ABL1: variants seen among roughly 807,000 people sequenced by gnomAD.
ABL1 encodes ABL proto-oncogene 1, non-receptor tyrosine kinase.
ABL1 carries 11 observed loss-of-function variants against 94.7 expected under a neutral mutation model. That is an observed-to-expected ratio of 0.12 (90% CI 0.07 to 0.19). ABL1 has a LOEUF of 0.19. ABL1 is among the 10% of genes least tolerant of loss of function. The pLI is 1.00. For missense variants in ABL1, 1,082 were observed against 1,489.4 expected, an observed-to-expected ratio of 0.73 and a Z score of 4.50; for synonymous variants, 656 against 622.4, an observed-to-expected ratio of 1.05 and a Z score of -0.80.
At chr9:130,768,592 A>C (rs912793166) in intron 1 of ABL1, among the ~76,000 whole-genome samples, 1 of 152,186 alleles carries the variant, frequency 6.6e-6, no homozygotes, top group Non-Finnish European at 1.5e-5. Context: ...AGTGAAGAAG[A>C]ACGGTAGTAA....
intron 1 of ABL1, among the ~76,000 whole-genome samples, chr9:130,759,963 ATTTTTTTTTTTT>A (rs34154339): frequency 0.021 from 1,916 of 93,016 alleles, 55 homozygotes; most frequent in African/African-American, 0.084. Flanking sequence ...AGGTAATTTA[ATTTTTTTTTTTT>A]TTTTTTTTTT....
At chr9:130,728,581 G>A (rs1295920072) in intron 1 of ABL1, among the ~76,000 whole-genome samples, 4 of 151,286 alleles carry the variant, frequency 2.6e-5, no homozygotes, top group African/African-American at 4.9e-5. Context: ...TAGAAGAGAC[G>A]GAGTTTCACC....
intron 10 of ABL1, among the ~76,000 whole-genome samples, chr9:130,882,521 T>C (rs1253986971): frequency 6.6e-6 from 1 of 152,154 alleles, no homozygotes; most frequent in Non-Finnish European, 1.5e-5. Context: ...TAGCAGGAGC[T>C]TGGCAACACC....
chr9:130,882,397 C>T (rs917967360), intron 10 of ABL1, among the ~76,000 whole-genome samples: 15 of 152,124 alleles, frequency 9.9e-5, no homozygotes, highest in African/African-American at 3.1e-4. Flanking sequence ...TCAGATGTCC[C>T]GCGTGCTGCC....
intron 1 of ABL1, among the ~76,000 whole-genome samples, chr9:130,837,681 T>C (rs984068977): frequency 1.3e-5 from 2 of 152,208 alleles, no homozygotes; most frequent in African/African-American, 4.8e-5. Flanking sequence ...AGAAAGTAAA[T>C]GGAATTATCA....
chr9:130,719,781 A>AG (rs1445472876), intron 1 of ABL1, among the ~76,000 whole-genome samples: 1 of 152,188 alleles, frequency 6.6e-6, no homozygotes, highest in African/African-American at 2.4e-5. Context: ...AAAAACTTGA[A>AG]TTCAGAAATG....
At chr9:130,778,816 C>G (rs533288450) in intron 1 of ABL1, among the ~76,000 whole-genome samples, 1 of 151,854 alleles carries the variant, frequency 6.6e-6, no homozygotes, top group East Asian at 1.9e-4. Flanking sequence ...CCATCTTGAC[C>G]GGGAGCCCCA....
chr9:130,807,531 C>T (rs1189415923), intron 1 of ABL1, among the ~76,000 whole-genome samples: 5 of 151,864 alleles, frequency 3.3e-5, no homozygotes, highest in South Asian at 2.1e-4. Context: ...TAAGCTACCA[C>T]GCCTGGTCTT....
intron 1 of ABL1, among the ~76,000 whole-genome samples, chr9:130,802,253 C>G (rs930709391): frequency 6.6e-6 from 1 of 152,030 alleles, no homozygotes; most frequent in African/African-American, 2.4e-5. Flanking sequence ...GCCACCACGC[C>G]TGGCTAATTT....
intron 1 of ABL1, among the ~76,000 whole-genome samples, chr9:130,793,391 T>C (rs912534482): frequency 1.3e-5 from 2 of 152,216 alleles, no homozygotes; most frequent in Non-Finnish European, 2.9e-5. Context: ...CGCATACATA[T>C]TGTGATGTCT....
At chr9:130,744,175 C>G (rs1831854665) in intron 1 of ABL1, among the ~76,000 whole-genome samples, 1 of 151,668 alleles carries the variant, frequency 6.6e-6, no homozygotes, top group South Asian at 2.1e-4. Flanking sequence ...CGGACTCGCT[C>G]TCTTTCGCTA....
intron 1 of ABL1, among the ~76,000 whole-genome samples, chr9:130,736,385 T>G (rs1831743077): frequency 6.6e-6 from 1 of 152,092 alleles, no homozygotes; most frequent in Non-Finnish European, 1.5e-5. Context: ...GCTAAGAGAG[T>G]GTATTGTCAA....
intron 1 of ABL1, among the ~76,000 whole-genome samples, chr9:130,771,732 T>TTTTC (rs373455783): frequency 2.0e-4 from 24 of 119,732 alleles, no homozygotes; most frequent in African/African-American, 6.0e-4. Context: ...TCAAATGACT[T>TTTTC]TTTCTTTCTT....
rs1831514007 is a variant in ABL1 at position 130,883,997 on chromosome 9, T to C, written c.1707T>C (p.Ser569=). Residue 569 remains serine, a synonymous_variant, in exon 11 of 11, where the codon TCT becomes TCC. Coordinates refer to ENST00000318560, the MANE Select transcript of ABL1 (RefSeq NM_005157.6). ...CTCTGGACCATGAGCCTGCCGTGTCTCCATTGCTCCCTCGAAAAGAGCGAG... is the reference window on the plus strand; with the variant it reads ...CTCTGGACCATGAGCCTGCCGTGTCCCCATTGCTCCCTCGAAAAGAGCGAG... The part of the protein sequence containing the change: ...SDPLDHEPAV[S]PLLPRKERGP... 5 of 1,613,222 alleles carry C rather than the reference T, an allele frequency of 3.1e-6. No individual in the cohort carries two copies. The highest frequency in any genetic ancestry group is 3.4e-6 in the Non-Finnish European group (4 of 1,179,852).
rs1184133451 is a variant in ABL1 at position 130,812,255 on chromosome 9, G to A, written c.137-41809G>A. Among the ~76,000 whole-genome samples, 8 of 150,650 alleles carry A rather than the reference G, an allele frequency of 5.3e-5. No individual in the cohort carries two copies. The Admixed American group carries it at 5.3e-4, about 10-fold the overall frequency. ...AGGTGTGGTGGTGTAGTTCCACTCAGGAGGCTACGGTGGGAGGATCACTTG... is the reference window on the plus strand; with the variant it reads ...AGGTGTGGTGGTGTAGTTCCACTCAAGAGGCTACGGTGGGAGGATCACTTG... On this transcript the variant is annotated intron_variant, in intron 1 of 10. Coordinates refer to the ABL1 transcript ENST00000372348.
intron 1 of ABL1, among the ~76,000 whole-genome samples, chr9:130,807,984 C>G (rs549394479): frequency 2.0e-5 from 3 of 151,290 alleles, no homozygotes; most frequent in African/African-American, 7.2e-5. Context: ...CAGGCGTGAG[C>G]CACTGTGCCT....
At chr9:130,724,783 T>G in intron 1 of ABL1, 1 of 468,200 alleles carries the variant, frequency 2.1e-6, no homozygotes, top group Non-Finnish European at 4.2e-6. Context: ...AAATAAATTC[T>G]TGAGATGAAC....
chr9:130,790,262 G>A (rs993378739), intron 1 of ABL1, among the ~76,000 whole-genome samples: 3 of 152,184 alleles, frequency 2.0e-5, no homozygotes, highest in Admixed American at 2.0e-4. Context: ...AGCACAGAGT[G>A]AGCCAGACCT....
chr9:130,818,106 C>T (rs1388978186), intron 1 of ABL1, among the ~76,000 whole-genome samples: 4 of 152,156 alleles, frequency 2.6e-5, no homozygotes, highest in African/African-American at 4.8e-5. Context: ...ATTTGGTCTT[C>T]GTTCTGTGAC....
Sources: allele counts gnomAD v4.1 joint callset (sites outside exome capture counted in the v4.1 genomes callset), GRCh38; gene constraint gnomAD v4.1.1; transcripts MANE v1.5; gene names NCBI Gene and HGNC (gene_info 2026-07-23, HGNC 2026-07-21).